POLA1: variants seen among roughly 807,000 people sequenced by gnomAD.
POLA1 encodes the protein DNA polymerase alpha catalytic subunit.
A neutral mutation model predicts 124.0 loss-of-function variants in POLA1; 15 were observed. That is an observed-to-expected ratio of 0.12 (90% CI 0.08 to 0.19). The LOEUF is 0.19. POLA1 is among the 10% of genes least tolerant of loss of function. The pLI is 1.00. For missense variants in POLA1, 886 were observed against 1,103.4 expected (o/e 0.80, Z 2.79); for synonymous variants, 408 against 389.4 (o/e 1.05, Z -0.56).
intron 1 of POLA1, 104 bp downstream of exon 1, chrX:24,694,108 G>C: frequency 2.5e-6 from 2 of 815,720 alleles, no homozygotes; most frequent in African/African-American, 4.1e-5. Flanking sequence ...TTTGGGCGCA[G>C]ACCTTGGTCG....
chrX:24,912,694 T>C (rs767654907), intron 35 of POLA1, among the ~76,000 whole-genome samples: 56 of 111,601 alleles, frequency 5.0e-4, no homozygotes, highest in African/African-American at 1.8e-3. Flanking sequence ...CCCAACACTT[T>C]AGGAGGTTGA....
chrX:24,891,196 A>G (rs1484330619), intron 35 of POLA1, among the ~76,000 whole-genome samples: 2 of 111,543 alleles, frequency 1.8e-5, no homozygotes, highest in Non-Finnish European at 3.8e-5. Flanking sequence ...TTTTTTCTTC[A>G]TATCCTTGTC....
intron 34 of POLA1, among the ~76,000 whole-genome samples, chrX:24,859,709 G>A (rs772503479): frequency 8.9e-6 from 1 of 112,670 alleles, no homozygotes; most frequent in East Asian, 2.8e-4. Context: ...CCTGAGCAAA[G>A]CATAGTGCCA....
At chrX:24,794,027 A>C (rs191108893) in intron 26 of POLA1, among the ~76,000 whole-genome samples, 3,205 of 109,986 alleles carry the variant, frequency 0.029, 116 homozygotes, top group African/African-American at 0.099. Context: ...AGGCGGCTGG[A>C]GTGCAGTGGC....
At chrX:24,825,312 G>A (rs1057362576) in intron 31 of POLA1, among the ~76,000 whole-genome samples, 2 of 112,051 alleles carry the variant, frequency 1.8e-5, no homozygotes, top group Non-Finnish European at 3.8e-5. Context: ...TTGATAAACA[G>A]GCCCAGGTTG....
intron 26 of POLA1, among the ~76,000 whole-genome samples, chrX:24,792,623 T>A (rs904402215): frequency 2.1e-4 from 24 of 112,311 alleles, no homozygotes; most frequent in African/African-American, 7.4e-4. Flanking sequence ...TTCCTGCTTA[T>A]GTTCTTTTAC....
At chrX:24,950,696 T>C (rs1307899818) in intron 36 of POLA1, among the ~76,000 whole-genome samples, 1 of 112,140 alleles carries the variant, frequency 8.9e-6, no homozygotes, top group Admixed American at 9.5e-5. Context: ...AGTATTAAAG[T>C]TCTTAATGTA....
Position 24,826,499 on chromosome X carries a change from A to G in POLA1, c.3634A>G (p.Ile1212Val). 3.3e-6 allele frequency: 4 copies of G among 1,204,479 alleles called. No individual in the cohort carries two copies. Among genetic ancestry groups the G allele is most frequent in the African/African-American group, 1.7e-5 (1 of 57,626 alleles). ...GCTGCAGAAACAGGATAATCTAACC[A>G]TTGACACCCAGTACTACCTGGCCCA... is the stretch of plus-strand genomic sequence containing the variant. ...EQLQKQDNLT[I>V]DTQYYLAQQI... Residue 1212 changes from isoleucine (I) to valine (V), a missense_variant, in exon 32 of 37, where the codon ATT (isoleucine) becomes GTT (valine). This residue lies in a region of POLA1 where 313 missense variants were observed against 359.7 expected (regional missense o/e 0.87). Coordinates refer to ENST00000379068, the MANE Select transcript of POLA1 (RefSeq NM_001330360.2).
intron 1 of POLA1, among the ~76,000 whole-genome samples, chrX:24,698,219 G>T (rs976425780): frequency 1.8e-5 from 2 of 111,963 alleles, no homozygotes; most frequent in Admixed American, 9.5e-5. Flanking sequence ...TGGGATTACA[G>T]GCGTGAGCCA....
At chrX:24,696,317 C>CA (rs1927995506) in intron 1 of POLA1, among the ~76,000 whole-genome samples, 8 of 111,974 alleles carry the variant, frequency 7.1e-5, no homozygotes, top group African/African-American at 2.3e-4. Context: ...GCTGTTTAGC[C>CA]AGGAACAGTG....
Position 24,921,564 on chromosome X carries a change from G to T in POLA1, c.4165-8889G>T, listed in dbSNP as rs763881417. Among the ~76,000 whole-genome samples the T allele has an allele frequency of 8.9e-5, 10 of 111,990 alleles. No individual in the cohort carries two copies. The Admixed American group carries it at 9.4e-4, about 11-fold the overall frequency. On this transcript the variant is annotated intron_variant, in intron 35 of 36. Transcript: ENST00000379068. ...AGCTAGAACAGTGCCTTCGCATGTA[G>T]TAGATTCTCAGTATGTTAGATAAAT...
intron 15 of POLA1, among the ~76,000 whole-genome samples, chrX:24,731,316 A>T (rs1312767900): frequency 8.9e-6 from 1 of 112,022 alleles, no homozygotes; most frequent in Non-Finnish European, 1.9e-5. Flanking sequence ...ATTATAGGGG[A>T]ATGACAGATG....
chrX:24,975,462 A>G (rs1000526244), intron 36 of POLA1, among the ~76,000 whole-genome samples: 1 of 112,452 alleles, frequency 8.9e-6, no homozygotes, highest in Non-Finnish European at 1.9e-5. Context: ...CAAAACAAAA[A>G]AAAAAAATGG....
intron 35 of POLA1, among the ~76,000 whole-genome samples, chrX:24,908,826 G>T (rs992202328): frequency 9.0e-6 from 1 of 111,468 alleles, no homozygotes; most frequent in Non-Finnish European, 1.9e-5. Flanking sequence ...TTCCACAATG[G>T]TTGAACTAGT....
At chrX:24,976,449 T>G (rs2048364598) in intron 36 of POLA1, among the ~76,000 whole-genome samples, 1 of 112,484 alleles carries the variant, frequency 8.9e-6, no homozygotes, top group Admixed American at 9.4e-5. Context: ...ATGTACATTT[T>G]GGATAAAAAT....
At chrX:24,909,691 T>C (rs1168453314) in intron 35 of POLA1, among the ~76,000 whole-genome samples, 1 of 111,761 alleles carries the variant, frequency 8.9e-6, no homozygotes, top group Non-Finnish European at 1.9e-5. Context: ...CTTTGTTCTT[T>C]TGGCTTAGGA....
intron 29 of POLA1, among the ~76,000 whole-genome samples, chrX:24,813,994 G>C (rs1275039747): frequency 9.0e-6 from 1 of 111,332 alleles, no homozygotes; most frequent in East Asian, 2.8e-4. Flanking sequence ...TATCAAGTTG[G>C]GAGATTGAAC....
intron 35 of POLA1, among the ~76,000 whole-genome samples, chrX:24,901,541 C>T (rs1409231344): frequency 9.0e-6 from 1 of 111,448 alleles, no homozygotes; most frequent in Non-Finnish European, 1.9e-5. Flanking sequence ...AGTATATATG[C>T]TAGGGGAAAT....
intron 26 of POLA1, among the ~76,000 whole-genome samples, chrX:24,794,028 G>A (rs1478036331): frequency 3.6e-5 from 4 of 110,729 alleles, no homozygotes; most frequent in Admixed American, 9.5e-5. Flanking sequence ...GGCGGCTGGA[G>A]TGCAGTGGCA....
Sources: allele counts gnomAD v4.1 joint callset (sites outside exome capture counted in the v4.1 genomes callset), GRCh38; gene constraint gnomAD v4.1.1; regional missense constraint gnomAD v4.1.1; transcripts MANE v1.5; gene names NCBI Gene and HGNC (gene_info 2026-07-23, HGNC 2026-07-21).